The following ACSS3 variants were observed in gnomAD, a reference collection of about 807,000 sequenced individuals.
ACSS3 encodes the protein acyl-CoA synthetase short-chain family member 3, mitochondrial.
Under a neutral mutation model 84.2 loss-of-function variants are expected in ACSS3, and 64 were observed. The observed-to-expected ratio is 0.76, with a 90% CI of 0.62 to 0.94. The LOEUF is 0.94. Ranked by LOEUF, ACSS3 falls within the 40% of genes least tolerant of loss-of-function variation. The pLI is 0.00. For synonymous variants in ACSS3, 317 were observed against 310.1 expected, an observed-to-expected ratio of 1.02 and a Z score of -0.23; for missense variants, 815 against 867.6, an observed-to-expected ratio of 0.94 and a Z score of 0.76.
chr12:81,260,970 A>G lies in ACSS3; in HGVS notation c.*6048A>G, dbSNP rs780945669. On this transcript the variant is annotated 3_prime_UTR_variant, in exon 16 of 16. Coordinates refer to ENST00000548058, the MANE Select transcript of ACSS3 (RefSeq NM_024560.4). ...GTTTTACTATTAAGACTGTTTTTCAATAAAACCTCATTTTTATATGGATTT... is the reference window on the plus strand; with the variant it reads ...GTTTTACTATTAAGACTGTTTTTCAGTAAAACCTCATTTTTATATGGATTT... The G allele has an allele frequency of 6.4e-4, 97 of 151,856 alleles. No homozygotes were observed. The highest frequency in any genetic ancestry group is 1.8e-3 in the Admixed American group (28 of 15,188). 9.4% of individuals were successfully genotyped at this position (151,856 alleles called of 1,614,324 possible). A position where few individuals can be genotyped will look rare whatever the true frequency, so the allele number is the denominator to read the frequency against.
At chr12:81,249,723 G>C (rs2034093159) in intron 13 of ACSS3, among the ~76,000 whole-genome samples, 1 of 151,982 alleles carries the variant, frequency 6.6e-6, no homozygotes, top group Non-Finnish European at 1.5e-5. Context: ...GAATCTCTCT[G>C]ACAAGTTTCC....
chr12:81,127,233 G>A (rs1244801854), intron 2 of ACSS3, among the ~76,000 whole-genome samples: 1 of 151,732 alleles, frequency 6.6e-6, no homozygotes, highest in South Asian at 2.1e-4. Context: ...GTCTAAAAAT[G>A]TTACATTTCT....
intron 7 of ACSS3, among the ~76,000 whole-genome samples, chr12:81,160,088 G>C (rs35097140): frequency 6.6e-6 from 1 of 152,154 alleles, no homozygotes; most frequent in Non-Finnish European, 1.5e-5. Flanking sequence ...AGAGTATTAC[G>C]TAGGTCTAAA....
intron 7 of ACSS3, among the ~76,000 whole-genome samples, chr12:81,160,088 G>A (rs35097140): frequency 0.034 from 5,145 of 152,260 alleles, 125 homozygotes; most frequent in East Asian, 0.052. Context: ...AGAGTATTAC[G>A]TAGGTCTAAA....
chr12:81,184,513 A>G (rs2031136535), intron 8 of ACSS3, among the ~76,000 whole-genome samples: 1 of 151,846 alleles, frequency 6.6e-6, no homozygotes, highest in African/African-American at 2.4e-5. Context: ...TTTTTGAAGA[A>G]CAACAAAATT....
Position 81,151,824 on chromosome 12 carries a change from T to G in ACSS3, c.922-20T>G. 1 of 1,602,840 alleles carries G rather than the reference T, an allele frequency of 6.2e-7. No individual in the cohort carries two copies. Among genetic ancestry groups the G allele is most frequent in the Non-Finnish European group, 8.5e-7 (1 of 1,174,128 alleles). On this transcript the variant is annotated intron_variant, in intron 5 of 15. Transcript: ENST00000548058. ...TTACACATTGTTTATTGATTTTAAT[T>G]TCACTTTTTCTCTCCTTAGGGTGTG... is the stretch of plus-strand genomic sequence containing the variant.
At chr12:81,147,173 C>T (rs1011902239) in intron 5 of ACSS3, among the ~76,000 whole-genome samples, 17 of 152,164 alleles carry the variant, frequency 1.1e-4, no homozygotes, top group African/African-American at 4.1e-4. Flanking sequence ...ATGGACATAG[C>T]TTCAGAATCA....
At chr12:81,249,319 A>G (rs1186134832) in intron 13 of ACSS3, among the ~76,000 whole-genome samples, 2 of 152,052 alleles carry the variant, frequency 1.3e-5, no homozygotes, top group Admixed American at 6.6e-5. Flanking sequence ...AAAGAAATGT[A>G]CAGGAAACAA....
chr12:81,245,923 G>A (rs1422158647), intron 13 of ACSS3, among the ~76,000 whole-genome samples: 3 of 152,084 alleles, frequency 2.0e-5, no homozygotes, highest in African/African-American at 7.2e-5. Context: ...CTCCTTTGCT[G>A]TTCTTATGGG....
At chr12:81,090,575 C>T (rs1039147139) in intron 1 of ACSS3, among the ~76,000 whole-genome samples, 3 of 151,962 alleles carry the variant, frequency 2.0e-5, no homozygotes, top group Non-Finnish European at 4.4e-5. Context: ...GTAGATACTA[C>T]CTGAATCATC....
chr12:81,130,169 T>C (rs12823905), intron 2 of ACSS3, among the ~76,000 whole-genome samples: 50,879 of 149,940 alleles, frequency 0.34, 10,375 homozygotes, highest in Non-Finnish European at 0.48. Context: ...TCAAATGGTA[T>C]TTCTAGTTCT....
intron 2 of ACSS3, among the ~76,000 whole-genome samples, chr12:81,113,889 CTT>C (rs1169407377): frequency 7.2e-5 from 11 of 152,012 alleles, no homozygotes; most frequent in Non-Finnish European, 1.2e-4. Context: ...TATTCTTGCT[CTT>C]GTTAGCTCTT....
intron 8 of ACSS3, among the ~76,000 whole-genome samples, chr12:81,177,778 C>G (rs2030601161): frequency 6.6e-6 from 1 of 152,120 alleles, no homozygotes; most frequent in Admixed American, 6.5e-5. Flanking sequence ...CATCTCACAC[C>G]AGTTAGAATG....
intron 1 of ACSS3, among the ~76,000 whole-genome samples, chr12:81,081,758 A>G (rs931673855): frequency 1.3e-5 from 2 of 152,248 alleles, no homozygotes; most frequent in African/African-American, 2.4e-5. Flanking sequence ...AGAAATCAAT[A>G]TGTATTAACA....
At chr12:81,159,461 G>C (rs1293283228) in intron 7 of ACSS3, among the ~76,000 whole-genome samples, 1 of 152,068 alleles carries the variant, frequency 6.6e-6, no homozygotes, top group East Asian at 1.9e-4. Context: ...AAAACACCTG[G>C]CCAGCTCAGT....
intron 9 of ACSS3, among the ~76,000 whole-genome samples, chr12:81,202,265 C>T (rs1385135815): frequency 1.1e-4 from 16 of 150,578 alleles, no homozygotes; most frequent in East Asian, 5.9e-4. Context: ...GGTGATAGAG[C>T]GAGACTCTGT....
intron 8 of ACSS3, among the ~76,000 whole-genome samples, chr12:81,190,070 T>C (rs1314411309): frequency 6.6e-6 from 1 of 152,184 alleles, no homozygotes; most frequent in Non-Finnish European, 1.5e-5. Flanking sequence ...TTTATCATTA[T>C]AGATTTATAA....
Position 81,155,010 on chromosome 12 carries a change from G to A in ACSS3, c.1098+2914G>A, listed in dbSNP as rs140428769. ...GTGCAGTGCCCCTTTTTGTGGTCCCGTTGCTTTCGAGCATATGTCTGTCAC... is the reference window on the plus strand; with the variant it reads ...GTGCAGTGCCCCTTTTTGTGGTCCCATTGCTTTCGAGCATATGTCTGTCAC... On this transcript the variant is annotated intron_variant, in intron 7 of 15. Coordinates refer to ENST00000548058, the MANE Select transcript of ACSS3 (RefSeq NM_024560.4). 1.4e-4 allele frequency among the ~76,000 whole-genome samples: 22 copies of A among 152,128 alleles called. No individual in the cohort carries two copies. In the East Asian group the frequency reaches 3.1e-3, roughly 21 times the overall value.
At chr12:81,211,737 T>G (rs2032602041) in intron 9 of ACSS3, among the ~76,000 whole-genome samples, 2 of 152,174 alleles carry the variant, frequency 1.3e-5, no homozygotes, top group South Asian at 4.1e-4. Flanking sequence ...TAAATTATAT[T>G]TACATTGTTA....
Sources: gnomAD v4.1 joint callset for allele counts (sites outside exome capture counted in the v4.1 genomes callset) on GRCh38, gnomAD v4.1.1 for gene constraint, MANE v1.5 for transcripts, NCBI Gene and HGNC (gene_info 2026-07-23, HGNC 2026-07-21) for gene names.